COG6: variants seen among roughly 807,000 people sequenced by gnomAD.
The protein encoded by COG6 is conserved oligomeric Golgi complex subunit 6.
A neutral mutation model predicts 88.8 loss-of-function variants in COG6; 74 were observed. The observed-to-expected ratio is 0.83, with a 90% CI of 0.69 to 1.01. The LOEUF is 1.01. Among genes scored for constraint, COG6 ranks in the 50% least tolerant of loss-of-function variants. The pLI is 0.00. For synonymous variants in COG6, 286 were observed against 278.7 expected (o/e 1.03, Z -0.26); for missense variants, 800 against 797.9 (o/e 1.00, Z -0.03).
At chr13:39,745,547 C>CA (rs1421886081) in intron 18 of COG6, among the ~76,000 whole-genome samples, 3 of 152,204 alleles carry the variant, frequency 2.0e-5, no homozygotes, top group African/African-American at 7.2e-5. Flanking sequence ...GATACCATCT[C>CA]ACGCCAGTTA....
chr13:39,760,574 T>A (rs552779571), intron 18 of COG6, among the ~76,000 whole-genome samples: 13 of 152,262 alleles, frequency 8.5e-5, no homozygotes, highest in African/African-American at 3.1e-4. Flanking sequence ...GAACTATTAA[T>A]AGGTTAATAT....
In COG6 at chr13:39,752,486, A is replaced by G; in HGVS notation, c.*1393A>G. ...TACATATAAAGACAGAAAATAAAGTATAAATCAAGAGCTTAAATTGTATAT... is the reference window on the plus strand; with the variant it reads ...TACATATAAAGACAGAAAATAAAGTGTAAATCAAGAGCTTAAATTGTATAT... On this transcript the variant is annotated 3_prime_UTR_variant, in exon 19 of 19. Transcript: ENST00000455146. 1.8e-6 allele frequency: 2 copies of G among 1,134,052 alleles called. No homozygotes were observed. The highest frequency in any genetic ancestry group is 2.3e-6 in the Non-Finnish European group (2 of 870,714). 70.2% of individuals were successfully genotyped at this position (1,134,052 alleles called of 1,614,324 possible).
intron 13 of COG6, among the ~76,000 whole-genome samples, chr13:39,714,048 A>G (rs1878388230): frequency 1.3e-5 from 2 of 152,198 alleles, no homozygotes. Context: ...ATGATTTACC[A>G]TCAACTCTAA....
intron 8 of COG6, among the ~76,000 whole-genome samples, chr13:39,683,431 A>G (rs1876435700): frequency 6.6e-6 from 1 of 152,222 alleles, no homozygotes; most frequent in Non-Finnish European, 1.5e-5. Context: ...CAGTAATGCA[A>G]AGATATACAT....
intron 4 of COG6, among the ~76,000 whole-genome samples, chr13:39,671,022 C>T (rs566362897): frequency 6.6e-6 from 1 of 152,082 alleles, no homozygotes; most frequent in Non-Finnish European, 1.5e-5. Flanking sequence ...AGCATCACAT[C>T]TCCTTTCTTC....
chr13:39,684,302 G>A (rs550472277), intron 8 of COG6, among the ~76,000 whole-genome samples: 84 of 122,010 alleles, frequency 6.9e-4, no homozygotes, highest in Non-Finnish European at 9.0e-4. Flanking sequence ...AGGCTGGAGT[G>A]CAGTGACGCA....
intron 18 of COG6, among the ~76,000 whole-genome samples, chr13:39,748,827 C>G (rs1484143322): frequency 6.6e-6 from 1 of 152,180 alleles, no homozygotes; most frequent in Non-Finnish European, 1.5e-5. Flanking sequence ...GTTACTCCAA[C>G]TCGTCAAGAG....
chr13:39,695,077 C>G (rs1164835990), intron 12 of COG6, among the ~76,000 whole-genome samples: 1 of 151,276 alleles, frequency 6.6e-6, no homozygotes, highest in African/African-American at 2.4e-5. Flanking sequence ...ACTAAAGCAA[C>G]TATACCTTAT....
intron 17 of COG6, among the ~76,000 whole-genome samples, chr13:39,726,973 A>C (rs1302456674): frequency 6.6e-6 from 1 of 151,892 alleles, no homozygotes; most frequent in East Asian, 1.9e-4. Flanking sequence ...TATTTATATT[A>C]TTATCTGTTT....
chr13:39,678,272 C>T (rs767227222), intron 5 of COG6: 56 of 314,270 alleles, frequency 1.8e-4, no homozygotes, highest in Non-Finnish European at 3.0e-4. Flanking sequence ...TAGGATCTCA[C>T]TGTGTTGCCC....
chr13:39,694,859 C>T, intron 12 of COG6, 134 bp downstream of exon 12: 2 of 555,078 alleles, frequency 3.6e-6, no homozygotes, highest in South Asian at 4.4e-5. Context: ...ACTAGTAGGA[C>T]TTCCACACCA....
At chr13:39,737,181 C>T (rs1001750037) in intron 18 of COG6, among the ~76,000 whole-genome samples, 4 of 152,158 alleles carry the variant, frequency 2.6e-5, no homozygotes, top group African/African-American at 9.7e-5. Context: ...GAGTCTCCCT[C>T]TCTGTACTGA....
At chr13:39,741,502 G>T (rs375618979) in intron 18 of COG6, among the ~76,000 whole-genome samples, 1 of 152,112 alleles carries the variant, frequency 6.6e-6, no homozygotes. Context: ...GGAAGAAAGG[G>T]TATCAGTGAT....
At chr13:39,758,978 A>G (rs1453935660) in intron 18 of COG6, among the ~76,000 whole-genome samples, 1 of 152,202 alleles carries the variant, frequency 6.6e-6, no homozygotes, top group Non-Finnish European at 1.5e-5. Context: ...ACAAAAGGCT[A>G]TATATAATTT....
intron 13 of COG6, among the ~76,000 whole-genome samples, chr13:39,699,947 A>G (rs907750827): frequency 5.2e-4 from 79 of 152,026 alleles, no homozygotes; most frequent in African/African-American, 1.9e-3. Flanking sequence ...TTGGAAAACC[A>G]GAACTCTTAC....
chr13:39,659,649 C>T, intron 2 of COG6, 142 bp downstream of exon 2: 1 of 659,180 alleles, frequency 1.5e-6, no homozygotes, highest in East Asian at 2.8e-5. Flanking sequence ...ATTTCTCTTG[C>T]TGCATCTAGA....
At chr13:39,725,178 T>C (rs1333198366) in intron 17 of COG6, among the ~76,000 whole-genome samples, 1 of 151,882 alleles carries the variant, frequency 6.6e-6, no homozygotes, top group Non-Finnish European at 1.5e-5. Flanking sequence ...CTATCCCTCA[T>C]AGGAATGATC....
At chr13:39,701,274 T>A (rs1348291294) in intron 13 of COG6, among the ~76,000 whole-genome samples, 2 of 151,654 alleles carry the variant, frequency 1.3e-5, no homozygotes, top group East Asian at 3.9e-4. Flanking sequence ...AGGGTACAAT[T>A]TGGGAGATAA....
intron 13 of COG6, 55 bp from the exon 14 acceptor site, chr13:39,719,181 C>G (rs992746687): frequency 1.3e-6 from 2 of 1,553,646 alleles, no homozygotes; most frequent in African/African-American, 2.7e-5. Context: ...TACATTTATA[C>G]ATTAAAATTT....
Sources: allele counts gnomAD v4.1 joint callset (sites outside exome capture counted in the v4.1 genomes callset), GRCh38; gene constraint gnomAD v4.1.1; transcripts MANE v1.5; gene names NCBI Gene and HGNC (gene_info 2026-07-23, HGNC 2026-07-21).